Variants in ZNF521 observed in about 807,000 individuals in gnomAD.
ZNF521 encodes LYST-interacting protein 3.
Under a neutral mutation model 105.5 loss-of-function variants are expected in ZNF521, and 14 were observed. The observed-to-expected ratio is 0.13, with a 90% CI of 0.09 to 0.21. ZNF521 has a LOEUF of 0.21. ZNF521 is among the 10% of genes least tolerant of loss of function. The probability of loss-of-function intolerance (pLI) is 1.00; values close to 1 mark genes in which losing one functional copy is unlikely to be tolerated. For missense variants in ZNF521, 1,233 were observed against 1,629.7 expected, an observed-to-expected ratio of 0.76 and a Z score of 4.19; for synonymous variants, 635 against 606.0, an observed-to-expected ratio of 1.05 and a Z score of -0.70.
intron 5 of ZNF521, among the ~76,000 whole-genome samples, chr18:25,155,273 G>A (rs1286545884): frequency 6.6e-6 from 1 of 152,080 alleles, no homozygotes; most frequent in African/African-American, 2.4e-5. Flanking sequence ...CTATTGAGTT[G>A]TATGAGTTCT....
chr18:25,342,585 C>T (rs1310206301), intron 2 of ZNF521, among the ~76,000 whole-genome samples: 2 of 142,382 alleles, frequency 1.4e-5, no homozygotes, highest in African/African-American at 2.5e-5. Context: ...CCCGTCACCA[C>T]GCCCGGCTAA....
chr18:25,328,400 T>TAA (rs1386167308), intron 2 of ZNF521, among the ~76,000 whole-genome samples: 2 of 98,762 alleles, frequency 2.0e-5, no homozygotes, highest in Admixed American at 1.2e-4. Context: ...TAGGGGAGGT[T>TAA]AAACACACAC....
At chr18:25,184,809 G>C (rs2035692795) in intron 5 of ZNF521, among the ~76,000 whole-genome samples, 1 of 152,128 alleles carries the variant, frequency 6.6e-6, no homozygotes, top group South Asian at 2.1e-4. Flanking sequence ...AAAATAAATG[G>C]ACACAGGTAC....
intron 7 of ZNF521, among the ~76,000 whole-genome samples, chr18:25,075,094 T>A (rs970259326): frequency 6.6e-6 from 1 of 152,024 alleles, no homozygotes; most frequent in Non-Finnish European, 1.5e-5. Flanking sequence ...AATTCAAAGG[T>A]GAGCCGTAAA....
chr18:25,348,857 A>T (rs1328444195), intron 2 of ZNF521, among the ~76,000 whole-genome samples: 1 of 152,154 alleles, frequency 6.6e-6, no homozygotes, highest in Non-Finnish European at 1.5e-5. Context: ...CTGCCCAGCG[A>T]ATACCGTCAA....
At chr18:25,275,341 G>T (rs968116006) in intron 3 of ZNF521, among the ~76,000 whole-genome samples, 5 of 152,088 alleles carry the variant, frequency 3.3e-5, no homozygotes, top group African/African-American at 1.2e-4. Flanking sequence ...CTAAAAGGGG[G>T]ACAAATAAGC....
intron 5 of ZNF521, among the ~76,000 whole-genome samples, chr18:25,100,323 C>T (rs1600022302): frequency 6.6e-6 from 1 of 152,234 alleles, no homozygotes; most frequent in African/African-American, 2.4e-5. Context: ...TAAGTGCTCA[C>T]AGGTTTAGAT....
chr18:25,319,149 A>G (rs75238760), intron 3 of ZNF521, among the ~76,000 whole-genome samples: 1 of 152,112 alleles, frequency 6.6e-6, no homozygotes, highest in African/African-American at 2.4e-5. Flanking sequence ...CTGGGTATCA[A>G]TACAATGAGA....
chr18:25,308,028 C>T (rs1912075211), intron 3 of ZNF521, among the ~76,000 whole-genome samples: 1 of 151,862 alleles, frequency 6.6e-6, no homozygotes, highest in African/African-American at 2.4e-5. Context: ...ATGGCAAAAC[C>T]CCATCTCTAC....
chr18:25,241,486 C>T (rs1417096792), intron 3 of ZNF521, among the ~76,000 whole-genome samples: 2 of 152,016 alleles, frequency 1.3e-5, no homozygotes, highest in East Asian at 1.9e-4. Flanking sequence ...CAAACATGCT[C>T]GCTGATTTTT....
chr18:25,143,100 A>G (rs781037173), intron 5 of ZNF521, among the ~76,000 whole-genome samples: 4 of 152,138 alleles, frequency 2.6e-5, no homozygotes, highest in Non-Finnish European at 5.9e-5. Flanking sequence ...GCTCCGCAAA[A>G]CTTTGAAATA....
intron 3 of ZNF521, among the ~76,000 whole-genome samples, chr18:25,256,853 A>C (rs62083930): frequency 0.011 from 1,665 of 152,258 alleles, 13 homozygotes; most frequent in Middle Eastern, 0.058. Flanking sequence ...CAAGGTGTAG[A>C]GCATCTCACA....
chr18:25,259,240 C>A (rs1055435960), intron 3 of ZNF521, among the ~76,000 whole-genome samples: 1 of 152,138 alleles, frequency 6.6e-6, no homozygotes, highest in Non-Finnish European at 1.5e-5. Context: ...TTACTCCTCG[C>A]CAGGAGTAGG....
In ZNF521 at chr18:25,119,840, A is replaced by G. The variant is rs148941984; in HGVS notation, c.3659-27759T>C. On this transcript the variant is annotated intron_variant, in intron 5 of 7. Transcript: ENST00000361524. ...AACAATAAAGATAAAAATAGAAATC[A>G]ATGAAATACAAAATAAACCATGGAA... 1.4e-3 allele frequency among the ~76,000 whole-genome samples: 220 copies of G among 152,220 alleles called. 3 individuals carry two copies. The highest frequency in any genetic ancestry group is 0.014 in the Middle Eastern group (4 of 288).
At chr18:25,095,918 G>A (rs2033842504) in intron 5 of ZNF521, among the ~76,000 whole-genome samples, 1 of 152,158 alleles carries the variant, frequency 6.6e-6, no homozygotes, top group African/African-American at 2.4e-5. Flanking sequence ...GATACTGAGG[G>A]AGGTATATGT....
At chr18:25,246,363 T>C (rs898112614) in intron 3 of ZNF521, among the ~76,000 whole-genome samples, 2 of 152,256 alleles carry the variant, frequency 1.3e-5, no homozygotes, top group African/African-American at 4.8e-5. Flanking sequence ...AGAAGGTCCC[T>C]TTGTTTCAGT....
At chr18:25,241,258 G>T (rs778443833) in intron 3 of ZNF521, among the ~76,000 whole-genome samples, 1 of 152,188 alleles carries the variant, frequency 6.6e-6, no homozygotes, top group Non-Finnish European at 1.5e-5. Context: ...TCCCTCTCCT[G>T]AGAGTGATGC....
At chr18:25,080,572 T>G (rs1435656787) in intron 7 of ZNF521, among the ~76,000 whole-genome samples, 1 of 152,228 alleles carries the variant, frequency 6.6e-6, no homozygotes, top group Non-Finnish European at 1.5e-5. Flanking sequence ...GAGCAGCCTA[T>G]CAATCTTTCT....
At position 25,351,890 on chromosome 18, in the gene ZNF521, G is replaced by A. The variant is rs1422828151; in HGVS notation, c.-2+115C>T. 2.9e-5 allele frequency: 8 copies of A among 277,324 alleles called. 1 individual carries two copies. Among genetic ancestry groups the A allele is most frequent in the South Asian group, 2.5e-4 (8 of 31,552 alleles). The allele number at this position is 277,324 out of a possible 1,614,324, so 17.2% of individuals were successfully genotyped here. Reference sequence around the variant, plus strand: ...GGCTGCCTCGGCAGCGGCGGCGGCAGCAGCGGCGGCAGCGGCGGCGGCAGC... The same window carrying A: ...GGCTGCCTCGGCAGCGGCGGCGGCAACAGCGGCGGCAGCGGCGGCGGCAGC... On this transcript the variant is annotated intron_variant, in intron 1 of 7. Coordinates refer to ENST00000361524, the MANE Select transcript of ZNF521 (RefSeq NM_015461.3).
Sources: allele counts gnomAD v4.1 joint callset (sites outside exome capture counted in the v4.1 genomes callset), GRCh38; gene constraint gnomAD v4.1.1; transcripts MANE v1.5; gene names NCBI Gene and HGNC (gene_info 2026-07-23, HGNC 2026-07-21).